Variants in SHROOM4 observed in about 807,000 individuals in gnomAD.
The protein encoded by SHROOM4 is shroom family member 4, also known as protein Shroom4.
In SHROOM4, 17 loss-of-function variants were observed where a neutral mutation model predicts 80.3. The observed-to-expected ratio is 0.21, with a 90% CI of 0.14 to 0.32. The LOEUF (loss-of-function observed/expected upper bound fraction) is 0.32, where lower values mean the gene tolerates loss of function less well. Ranked by LOEUF, SHROOM4 falls within the 10% of genes least tolerant of loss-of-function variation. SHROOM4 has a pLI of 1.00. For missense variants in SHROOM4, 993 were observed against 1,140.3 expected (o/e 0.87, Z 1.86); for synonymous variants, 400 against 437.5 (o/e 0.91, Z 1.07).
intron 1 of SHROOM4, among the ~76,000 whole-genome samples, chrX:50,713,232 G>A (rs1177894782): frequency 1.8e-5 from 2 of 111,460 alleles, no homozygotes; most frequent in Non-Finnish European, 3.8e-5. Context: ...ACCTAATCAG[G>A]CTATAATTAA....
chrX:50,594,210 C>G lies in SHROOM4; in HGVS notation c.*2485G>C, dbSNP rs972253129. 8.9e-6 allele frequency: 1 copy of G among 112,276 alleles called. No individual in the cohort carries two copies. Among genetic ancestry groups the G allele is most frequent in the African/African-American group, 3.2e-5 (1 of 30,888 alleles). 9.3% of individuals were successfully genotyped at this position (112,276 alleles called of 1,213,427 possible). A position where few individuals can be genotyped will look rare whatever the true frequency, so the allele number is the denominator to read the frequency against. Reference sequence around the variant, plus strand: ...TGAGAACAGGGGAGAGAGACTGCATCTCAAGTAATACTGGCAGTGTTGCAG... The same window carrying G: ...TGAGAACAGGGGAGAGAGACTGCATGTCAAGTAATACTGGCAGTGTTGCAG... On this transcript the variant is annotated 3_prime_UTR_variant, in exon 9 of 9. Transcript: ENST00000376020.
chrX:50,723,393 G>GGAGAGAGGGAGA (rs1934172646), intron 1 of SHROOM4, among the ~76,000 whole-genome samples: 2 of 54,481 alleles, frequency 3.7e-5, no homozygotes, highest in Non-Finnish European at 6.6e-5. Flanking sequence ...AGCAAGGGAG[G>GGAGAGAGGGAGA]GAGAGAGAGA....
chrX:50,597,602 A>C (rs148312999), intron 8 of SHROOM4, among the ~76,000 whole-genome samples: 4,720 of 111,355 alleles, frequency 0.042, 225 homozygotes, highest in African/African-American at 0.14. Flanking sequence ...ACTGGGAGCT[A>C]GCATTGATTC....
At chrX:50,616,697 C>G (rs1930252080) in intron 5 of SHROOM4, among the ~76,000 whole-genome samples, 1 of 111,285 alleles carries the variant, frequency 9.0e-6, no homozygotes, top group African/African-American at 3.3e-5. Flanking sequence ...GTGGTGGGAT[C>G]CAGGAATCAG....
At chrX:50,795,362 G>C (rs1935989579) in intron 1 of SHROOM4, among the ~76,000 whole-genome samples, 1 of 108,400 alleles carries the variant, frequency 9.2e-6, no homozygotes, top group South Asian at 3.9e-4. Context: ...TCTTTCAGAA[G>C]TTCCTAAAGC....
chrX:50,577,314 C>T, the SHROOM4 span, among the ~76,000 whole-genome samples: 10 of 113,018 alleles, frequency 8.8e-5, no homozygotes, highest in Middle Eastern at 4.6e-3. Context: ...ATTTGTAATA[C>T]TCACTATTCT....
At chrX:50,602,160 C>T (rs926145484) in intron 7 of SHROOM4, among the ~76,000 whole-genome samples, 2 of 107,685 alleles carry the variant, frequency 1.9e-5, no homozygotes, top group Admixed American at 9.9e-5. Flanking sequence ...GGCGCGATCT[C>T]GGCTCACTGC....
At chrX:50,652,602 TCTGTTGC>T (rs1557259042) in intron 2 of SHROOM4, among the ~76,000 whole-genome samples, 1 of 112,377 alleles carries the variant, frequency 8.9e-6, no homozygotes, top group African/African-American at 3.2e-5. Flanking sequence ...AATTTTGGCT[TCTGTTGC>T]CATTGCTTTT....
intron 7 of SHROOM4, 59 bp from the exon 8 acceptor site, chrX:50,598,594 T>A (rs1929236984): frequency 8.8e-7 from 1 of 1,131,545 alleles, no homozygotes; most frequent in Non-Finnish European, 1.2e-6. Context: ...AGAAACTGAT[T>A]TGTGCCTGTA....
At chrX:50,801,296 G>A (rs184194183) in intron 1 of SHROOM4, among the ~76,000 whole-genome samples, 2,807 of 105,391 alleles carry the variant, frequency 0.027, 116 homozygotes, top group African/African-American at 0.094. Context: ...GAGAGAACAC[G>A]TACTGCCAGC....
intron 1 of SHROOM4, among the ~76,000 whole-genome samples, chrX:50,803,348 G>T (rs782193920): frequency 8.9e-6 from 1 of 112,392 alleles, no homozygotes; most frequent in South Asian, 3.7e-4. Context: ...CCTAGAACAG[G>T]CACTCAATAA....
chrX:50,657,447 G>GTT (rs1340458403), intron 2 of SHROOM4, among the ~76,000 whole-genome samples: 1 of 101,670 alleles, frequency 9.8e-6, no homozygotes, highest in African/African-American at 3.5e-5. Context: ...TTTTTGGACA[G>GTT]TTTTTTTTTT....
intron 2 of SHROOM4, among the ~76,000 whole-genome samples, chrX:50,672,825 T>A (rs1392814962): frequency 8.9e-6 from 1 of 111,919 alleles, no homozygotes; most frequent in Non-Finnish European, 1.9e-5. Flanking sequence ...TGAAAAATAA[T>A]TTGAATGACA....
chrX:50,634,066 G>T lies in SHROOM4; in HGVS notation c.2007C>A (p.Ser669Arg), dbSNP rs782804924. ...MLRARSSECL[S>R]QAPESHESRT... is the part of the protein sequence containing the mutation. Reference sequence around the variant, plus strand: ...TAGATTCATGGCTCTCAGGGGCTTGGCTGAGGCACTCGGAAGACCTAGCTC... The same window carrying T: ...TAGATTCATGGCTCTCAGGGGCTTGTCTGAGGCACTCGGAAGACCTAGCTC... The change falls in exon 4 of 9, where the codon AGC becomes AGA. Residue 669 changes from serine to arginine, a missense_variant. Physicochemically the swap from Ser to Arg is moderately radical, Grantham distance 110. Coordinates refer to ENST00000376020, the MANE Select transcript of SHROOM4 (RefSeq NM_020717.5). 6.6e-5 allele frequency: 80 copies of T among 1,210,253 alleles called. No individual in the cohort carries two copies. The South Asian group carries it at 1.3e-3, about 20-fold the overall frequency.
rs1557245165 is a variant in SHROOM4 at position 50,589,471 on chromosome X, T to C, written c.*7224A>G. On this transcript the variant is annotated 3_prime_UTR_variant, in exon 9 of 9. Transcript: ENST00000376020. ...AGCCCCCAGCCTTGACAACCACTAATCTGCTTTCTACCTTTATAGATTTGC... is the reference window on the plus strand; with the variant it reads ...AGCCCCCAGCCTTGACAACCACTAACCTGCTTTCTACCTTTATAGATTTGC... 9.0e-6 allele frequency among the ~76,000 whole-genome samples: 1 copy of C among 111,666 alleles called. No homozygotes were observed. Among genetic ancestry groups the C allele is most frequent in the East Asian group, 2.8e-4 (1 of 3,552 alleles).
intron 5 of SHROOM4, among the ~76,000 whole-genome samples, chrX:50,613,099 G>A (rs781994843): frequency 1.2e-4 from 13 of 111,834 alleles, no homozygotes; most frequent in South Asian, 3.7e-4. Flanking sequence ...TAGATGATAC[G>A]ATTATTTATC....
At chrX:50,640,981 A>G (rs1216943305) in intron 2 of SHROOM4, among the ~76,000 whole-genome samples, 1 of 112,421 alleles carries the variant, frequency 8.9e-6, no homozygotes, top group African/African-American at 3.2e-5. Flanking sequence ...GAGACAATGC[A>G]AGTGCTTTGA....
chrX:50,812,756 CA>C (rs113033542), intron 1 of SHROOM4, among the ~76,000 whole-genome samples: 101 of 105,686 alleles, frequency 9.6e-4, no homozygotes, highest in Non-Finnish European at 1.6e-3. Flanking sequence ...CACCCCCCCG[CA>C]AAAAAAAAGT....
intron 2 of SHROOM4, among the ~76,000 whole-genome samples, chrX:50,649,391 T>C (rs147980063): frequency 0.031 from 3,415 of 111,630 alleles, 63 homozygotes; most frequent in Middle Eastern, 0.11. Context: ...GGTGAATGTA[T>C]GCAAAGGAGA....
Sources: gnomAD v4.1 joint callset for allele counts (sites outside exome capture counted in the v4.1 genomes callset) on GRCh38, gnomAD v4.1.1 for gene constraint, MANE v1.5 for transcripts, NCBI Gene and HGNC (gene_info 2026-07-23, HGNC 2026-07-21) for gene names.